ANXA8: variants seen among roughly 807,000 people sequenced by gnomAD.
The protein encoded by ANXA8 is annexin A8, also known as VAC-beta.
ANXA8 carries 9 observed loss-of-function variants against 26.8 expected under a neutral mutation model. That is an observed-to-expected ratio of 0.34 (90% CI 0.20 to 0.59). The LOEUF (loss-of-function observed/expected upper bound fraction) is 0.59, where lower values mean the gene tolerates loss of function less well. ANXA8 is among the 20% of genes least tolerant of loss of function. ANXA8 has a pLI of 0.84. For missense variants in ANXA8, 83 were observed against 238.5 expected, an observed-to-expected ratio of 0.35 and a Z score of 4.29; for synonymous variants, 39 against 94.8, an observed-to-expected ratio of 0.41 and a Z score of 3.42.
chr10:47,748,670 G>C, the ANXA8 span, among the ~76,000 whole-genome samples: 2 of 150,286 alleles, frequency 1.3e-5, no homozygotes, highest in African/African-American at 2.4e-5. Flanking sequence ...GTTTTCTTTT[G>C]TAGAGGGGGG....
the ANXA8 span, chr10:47,763,702 C>G: frequency 5.1e-5 from 8 of 157,602 alleles, no homozygotes; most frequent in African/African-American, 1.9e-4. Flanking sequence ...CCTGGTCGCG[C>G]CCCTATGGTT....
At chr10:47,577,347 C>T in the ANXA8 span, among the ~76,000 whole-genome samples, 24 of 147,448 alleles carry the variant, frequency 1.6e-4, 1 homozygote, top group Non-Finnish European at 3.0e-4. Context: ...CCAGCCTGGG[C>T]GACATAAGGA....
At chr10:47,632,086 A>T in the ANXA8 span, among the ~76,000 whole-genome samples, 1 of 152,390 alleles carries the variant, frequency 6.6e-6, no homozygotes, top group East Asian at 1.9e-4. Context: ...TTAAGTATAG[A>T]CACAGAAGTT....
the ANXA8 span, among the ~76,000 whole-genome samples, chr10:47,700,556 G>T: frequency 2.0e-5 from 3 of 151,468 alleles, no homozygotes; most frequent in African/African-American, 7.3e-5. Context: ...CAACAAGAAG[G>T]AAACCTGAAT....
the ANXA8 span, among the ~76,000 whole-genome samples, chr10:47,554,138 T>TAAATAAATAAAC: frequency 7.1e-6 from 1 of 141,210 alleles, no homozygotes; most frequent in African/African-American, 2.7e-5. Flanking sequence ...AATAAATAAA[T>TAAATAAATAAAC]AAATAAATAA....
the ANXA8 span, among the ~76,000 whole-genome samples, chr10:47,554,231 G>T: frequency 2.2e-5 from 3 of 138,986 alleles, no homozygotes; most frequent in Non-Finnish European, 4.6e-5. Context: ...GAGGCGGGAC[G>T]ATCGCTTGAG....
the ANXA8 span, among the ~76,000 whole-genome samples, chr10:47,942,927 C>G: frequency 7.2e-6 from 1 of 139,668 alleles, no homozygotes; most frequent in Non-Finnish European, 1.5e-5. Context: ...CCTTCCCACT[C>G]AAACATCCAG....
the ANXA8 span, among the ~76,000 whole-genome samples, chr10:47,734,460 CAG>C: frequency 6.8e-6 from 1 of 147,322 alleles, no homozygotes; most frequent in African/African-American, 2.6e-5. Context: ...TGGTTGGTTG[CAG>C]AGTGAGCTGA....
the ANXA8 span, among the ~76,000 whole-genome samples, chr10:47,733,362 T>A: frequency 7.4e-6 from 1 of 134,536 alleles, no homozygotes; most frequent in East Asian, 2.5e-4. Context: ...TTTTACGCTG[T>A]TATTGCAAAA....
At chr10:47,960,808 A>G in the ANXA8 span, among the ~76,000 whole-genome samples, 1 of 138,152 alleles carries the variant, frequency 7.2e-6, no homozygotes, top group Non-Finnish European at 1.5e-5. Flanking sequence ...CCTCAGGATC[A>G]TGGTGGAAGC....
the ANXA8 span, chr10:47,565,563 C>T: frequency 3.3e-6 from 1 of 298,956 alleles, no homozygotes; most frequent in Non-Finnish European, 6.1e-6. Context: ...GGCCTGCCCT[C>T]GCCCTGCCCG....
the ANXA8 span, among the ~76,000 whole-genome samples, chr10:47,533,216 CACACACA>C: frequency 7.1e-6 from 1 of 141,546 alleles, no homozygotes; most frequent in Non-Finnish European, 1.5e-5. Flanking sequence ...CACACACACA[CACACACA>C]CCCCCGCAGA....
the ANXA8 span, chr10:47,973,622 G>A: frequency 2.0e-5 from 3 of 150,872 alleles, no homozygotes; most frequent in South Asian, 2.1e-4. Flanking sequence ...ACAATTTCAG[G>A]CCTTTAGTGA....
At chr10:47,722,849 G>A in the ANXA8 span, among the ~76,000 whole-genome samples, 1 of 142,314 alleles carries the variant, frequency 7.0e-6, no homozygotes, top group African/African-American at 2.5e-5. Flanking sequence ...TTTTGGAGGG[G>A]AGATGATGGT....
chr10:47,737,653 A>G, the ANXA8 span, among the ~76,000 whole-genome samples: 2 of 150,068 alleles, frequency 1.3e-5, no homozygotes, highest in African/African-American at 4.9e-5. Flanking sequence ...GTTCTTTTTT[A>G]TTCCCCATTA....
chr10:47,595,458 T>C, the ANXA8 span, among the ~76,000 whole-genome samples: 2 of 148,854 alleles, frequency 1.3e-5, no homozygotes, highest in Admixed American at 6.6e-5. Context: ...TTAAAAGACA[T>C]ACAGTGGCGA....
the ANXA8 span, among the ~76,000 whole-genome samples, chr10:47,646,016 C>A: frequency 6.7e-6 from 1 of 148,972 alleles, no homozygotes; most frequent in African/African-American, 2.6e-5. Context: ...CAATTCCTCC[C>A]AAGAATTATC....
In ANXA8 at chr10:47,484,095, G is replaced by A. The variant is rs1483144088; in HGVS notation, c.-162C>T. The A allele has an allele frequency of 1.8e-5, 29 of 1,575,486 alleles. No individual in the cohort carries two copies. The East Asian group carries it at 3.1e-4, about 17-fold the overall frequency. On this transcript the variant is annotated 5_prime_UTR_variant, in exon 1 of 12. The change creates a new upstream start codon in the 5' untranslated region. Transcript: ENST00000585281. Reference sequence around the variant, plus strand: ...CAGGGCAGCGCCACACCTGCCTGCCGTCCCCTCGCCCCCGGGCTCTGCCTG... The same window carrying A: ...CAGGGCAGCGCCACACCTGCCTGCCATCCCCTCGCCCCCGGGCTCTGCCTG...
chr10:47,700,778 C>T, the ANXA8 span, among the ~76,000 whole-genome samples: 1 of 150,154 alleles, frequency 6.7e-6, no homozygotes, highest in South Asian at 2.1e-4. Flanking sequence ...ATATAAAGAA[C>T]TTTTAAACCT....
Sources: allele counts gnomAD v4.1 joint callset (sites outside exome capture counted in the v4.1 genomes callset), GRCh38; gene constraint gnomAD v4.1.1; transcripts MANE v1.5; gene names NCBI Gene and HGNC (gene_info 2026-07-23, HGNC 2026-07-21).